Variants in SIPA1L1 observed in about 807,000 individuals in gnomAD.
The protein encoded by SIPA1L1 is signal induced proliferation associated 1 like 1, also known as signal-induced proliferation-associated 1-like protein 1.
Under a neutral mutation model 162.7 loss-of-function variants are expected in SIPA1L1, and 26 were observed. That is an observed-to-expected ratio of 0.16 (90% CI 0.12 to 0.22). The LOEUF (loss-of-function observed/expected upper bound fraction) is 0.22. Ranked by LOEUF, SIPA1L1 falls within the 10% of genes least tolerant of loss-of-function variation. SIPA1L1 has a pLI of 1.00. For synonymous variants in SIPA1L1, 829 were observed against 837.4 expected, an observed-to-expected ratio of 0.99 and a Z score of 0.17; for missense variants, 1,874 against 2,241.0, an observed-to-expected ratio of 0.84 and a Z score of 3.31.
chr14:71,564,490 C>CCTTTTTTTTT (rs2029888701), intron 4 of SIPA1L1, among the ~76,000 whole-genome samples: 2 of 97,778 alleles, frequency 2.0e-5, no homozygotes, highest in African/African-American at 8.1e-5. Flanking sequence ...CATTTTCTTT[C>CCTTTTTTTTT]TTTTTTTTTT....
At chr14:71,406,616 A>G (rs1273117581) in intron 2 of SIPA1L1, among the ~76,000 whole-genome samples, 3 of 152,202 alleles carry the variant, frequency 2.0e-5, no homozygotes, top group Non-Finnish European at 4.4e-5. Context: ...AATAAGCCAT[A>G]TTGATTTTTA....
chr14:71,339,206 T>G (rs1371001851), intron 2 of SIPA1L1, among the ~76,000 whole-genome samples: 3 of 152,162 alleles, frequency 2.0e-5, no homozygotes, highest in African/African-American at 7.2e-5. Context: ...ACCATTTCTC[T>G]TTTTTTCATG....
chr14:71,456,124 C>T (rs1196568520), intron 2 of SIPA1L1, among the ~76,000 whole-genome samples: 1 of 152,030 alleles, frequency 6.6e-6, no homozygotes, highest in Non-Finnish European at 1.5e-5. Flanking sequence ...GAGACAGAAC[C>T]CTGGTGTTGA....
chr14:71,389,529 C>T (rs1449584404), intron 2 of SIPA1L1, among the ~76,000 whole-genome samples: 1 of 152,124 alleles, frequency 6.6e-6, no homozygotes, highest in African/African-American at 2.4e-5. Context: ...GTTTTTTCCA[C>T]CACTATTTTT....
chr14:71,446,527 C>T (rs1362708849), intron 2 of SIPA1L1, among the ~76,000 whole-genome samples: 2 of 152,040 alleles, frequency 1.3e-5, no homozygotes, highest in Non-Finnish European at 2.9e-5. Flanking sequence ...ATGATCATGC[C>T]ACTGCACTTC....
At chr14:71,675,166 T>A (rs771429115) in intron 12 of SIPA1L1, among the ~76,000 whole-genome samples, 2 of 152,192 alleles carry the variant, frequency 1.3e-5, no homozygotes, top group Non-Finnish European at 2.9e-5. Flanking sequence ...GATGGGATGA[T>A]TACCAGCTCC....
At chr14:71,464,735 T>G (rs1221084056) in intron 2 of SIPA1L1, among the ~76,000 whole-genome samples, 1 of 152,222 alleles carries the variant, frequency 6.6e-6, no homozygotes, top group Non-Finnish European at 1.5e-5. Flanking sequence ...TCTATGTTCC[T>G]TCCACTATTA....
chr14:71,358,398 A>T (rs186471400), intron 2 of SIPA1L1, among the ~76,000 whole-genome samples: 1 of 152,366 alleles, frequency 6.6e-6, no homozygotes, highest in East Asian at 1.9e-4. Flanking sequence ...AAATTTGCTC[A>T]TACATAACTC....
intron 5 of SIPA1L1, among the ~76,000 whole-genome samples, chr14:71,607,866 G>T (rs1452976932): frequency 1.3e-5 from 2 of 152,128 alleles, no homozygotes; most frequent in African/African-American, 4.8e-5. Flanking sequence ...GAGTTTCTGT[G>T]CTCTTTGTTT....
intron 2 of SIPA1L1, among the ~76,000 whole-genome samples, chr14:71,327,007 C>T (rs139134899): frequency 2.2e-4 from 34 of 151,390 alleles, no homozygotes; most frequent in African/African-American, 7.0e-4. Flanking sequence ...CCATTGCGCC[C>T]GGCCTAATTT....
intron 5 of SIPA1L1, among the ~76,000 whole-genome samples, chr14:71,604,503 T>C (rs928901361): frequency 2.0e-5 from 3 of 152,098 alleles, no homozygotes; most frequent in African/African-American, 4.8e-5. Flanking sequence ...GTAGTAGTTA[T>C]CATTCTTTCA....
At chr14:71,533,876 T>C (rs1012923342) in intron 4 of SIPA1L1, among the ~76,000 whole-genome samples, 1 of 152,154 alleles carries the variant, frequency 6.6e-6, no homozygotes, top group African/African-American at 2.4e-5. Context: ...GGTAGGTGAA[T>C]ATTTTTTCCC....
At chr14:71,339,577 T>A (rs373025761) in intron 2 of SIPA1L1, among the ~76,000 whole-genome samples, 4 of 152,172 alleles carry the variant, frequency 2.6e-5, no homozygotes, top group African/African-American at 9.7e-5. Context: ...TTGGCCAGGC[T>A]GGTCTTAAAC....
intron 4 of SIPA1L1, among the ~76,000 whole-genome samples, chr14:71,557,364 T>G (rs1567202836): frequency 1.3e-5 from 2 of 152,224 alleles, no homozygotes; most frequent in South Asian, 4.1e-4. Flanking sequence ...ATTTTTTCCC[T>G]GATATTTTAT....
rs1216215125 is a variant in SIPA1L1 at position 71,685,288 on chromosome 14, G to A, written c.3105-74G>A. 16 of 1,497,066 alleles carry A rather than the reference G, an allele frequency of 1.1e-5. No homozygotes were observed. In the Admixed American group the frequency reaches 1.4e-4, roughly 13 times the overall value. 92.7% of individuals were successfully genotyped at this position (1,497,066 alleles called of 1,614,324 possible). ...TGTGGATCCATTTTTAAGTGTTAATGAGAATCAATGTGGTTCCACCAGCAA... is the reference window on the plus strand; with the variant it reads ...TGTGGATCCATTTTTAAGTGTTAATAAGAATCAATGTGGTTCCACCAGCAA... On this transcript the variant is annotated intron_variant, in intron 12 of 23. Coordinates refer to ENST00000381232, the MANE Select transcript of SIPA1L1 (RefSeq NM_001386936.1).
chr14:71,693,788 C>CT (rs2081422092), intron 13 of SIPA1L1, among the ~76,000 whole-genome samples: 2 of 149,856 alleles, frequency 1.3e-5, no homozygotes. Context: ...AGACAGAAGA[C>CT]TTTAACTTGG....
chr14:71,386,657 A>G (rs757554595), intron 2 of SIPA1L1, among the ~76,000 whole-genome samples: 16 of 152,254 alleles, frequency 1.1e-4, no homozygotes, highest in Non-Finnish European at 2.1e-4. Context: ...AAAGATGAAT[A>G]AACAGATGAA....
chr14:71,506,715 T>G (rs1463467220), intron 2 of SIPA1L1, among the ~76,000 whole-genome samples: 3 of 152,180 alleles, frequency 2.0e-5, no homozygotes, highest in South Asian at 2.1e-4. Context: ...TAATGTTTAT[T>G]TTTTTGATTG....
Position 71,321,134 on chromosome 14 carries a change from G to A in SIPA1L1, c.-512G>A, listed in dbSNP as rs1002235039. 2 of 152,076 alleles carry A rather than the reference G, an allele frequency of 1.3e-5. No individual in the cohort carries two copies. Among genetic ancestry groups the A allele is most frequent in the Non-Finnish European group, 2.9e-5 (2 of 68,050 alleles). 9.4% of individuals were successfully genotyped at this position (152,076 alleles called of 1,614,324 possible). ...TCTTTCTCCCCAGGGAGAGCGCGCG[G>A]CGGACGCGCCCGGGACGCGCGGCGG... On this transcript the variant is annotated 5_prime_UTR_variant, in exon 2 of 24. Coordinates refer to ENST00000381232, the MANE Select transcript of SIPA1L1 (RefSeq NM_001386936.1).
Sources: gnomAD v4.1 joint callset for allele counts (sites outside exome capture counted in the v4.1 genomes callset) on GRCh38, gnomAD v4.1.1 for gene constraint, MANE v1.5 for transcripts, NCBI Gene and HGNC (gene_info 2026-07-23, HGNC 2026-07-21) for gene names.